The following GRIN2B variants were observed in gnomAD, a reference collection of about 807,000 sequenced individuals.
GRIN2B encodes glutamate receptor ionotropic, NMDA 2B.
GRIN2B carries 5 observed loss-of-function variants against 114.5 expected under a neutral mutation model. That is an observed-to-expected ratio of 0.04 (90% CI 0.02 to 0.09). The LOEUF is 0.09. GRIN2B is among the 10% of genes least tolerant of loss of function. The pLI is 1.00. For missense variants in GRIN2B, 1,108 were observed against 1,943.5 expected (o/e 0.57, Z 8.08); for synonymous variants, 787 against 745.1 (o/e 1.06, Z -0.92).
At chr12:13,929,793 G>A (rs1330449895) in intron 2 of GRIN2B, among the ~76,000 whole-genome samples, 4 of 152,164 alleles carry the variant, frequency 2.6e-5, no homozygotes, top group Non-Finnish European at 5.9e-5. Context: ...GCAAAATAAA[G>A]CACCCTAGAA....
chr12:13,639,202 T>C (rs1437492521), intron 5 of GRIN2B, among the ~76,000 whole-genome samples: 2 of 152,124 alleles, frequency 1.3e-5, no homozygotes, highest in South Asian at 4.1e-4. Flanking sequence ...ATCATGCCCA[T>C]TCTACTAAAG....
At chr12:13,583,405 A>G (rs1029163160) in intron 10 of GRIN2B, among the ~76,000 whole-genome samples, 5 of 152,216 alleles carry the variant, frequency 3.3e-5, no homozygotes, top group African/African-American at 1.2e-4. Flanking sequence ...ACAGACAGTA[A>G]GTAATTTGAA....
At chr12:13,761,825 T>G (rs551649759) in intron 3 of GRIN2B, among the ~76,000 whole-genome samples, 1 of 152,026 alleles carries the variant, frequency 6.6e-6, no homozygotes, top group African/African-American at 2.4e-5. Flanking sequence ...TGGAAAAAAA[T>G]GAAATGAATA....
At chr12:13,589,696 C>T (rs1477903446) in intron 10 of GRIN2B, among the ~76,000 whole-genome samples, 3 of 152,160 alleles carry the variant, frequency 2.0e-5, no homozygotes, top group Non-Finnish European at 2.9e-5. Context: ...ATTCTACTTG[C>T]AACTAACAGA....
At chr12:13,908,629 G>C (rs117844846) in intron 2 of GRIN2B, among the ~76,000 whole-genome samples, 2 of 152,176 alleles carry the variant, frequency 1.3e-5, no homozygotes, top group African/African-American at 2.4e-5. Flanking sequence ...CCTCTACCTT[G>C]CACCTGATCT....
In GRIN2B at chr12:13,852,366, G is replaced by T. The variant is rs1276143624; in HGVS notation, c.411+13432C>A. On this transcript the variant is annotated intron_variant, in intron 3 of 13. Transcript: ENST00000609686. Reference sequence around the variant, plus strand: ...GCATGGAAACTCCAAGAACTCAAAAGGAGAAGCAGCCATTTAGTTAGAGGA... The same window carrying T: ...GCATGGAAACTCCAAGAACTCAAAATGAGAAGCAGCCATTTAGTTAGAGGA... 5.3e-5 allele frequency among the ~76,000 whole-genome samples: 8 copies of T among 152,290 alleles called. No homozygotes were observed. The East Asian group carries it at 1.5e-3, about 29-fold the overall frequency.
At chr12:13,880,420 G>C (rs1394145445) in intron 2 of GRIN2B, among the ~76,000 whole-genome samples, 2 of 152,216 alleles carry the variant, frequency 1.3e-5, no homozygotes, top group Non-Finnish European at 2.9e-5. Flanking sequence ...CTTAACGCTA[G>C]AGATGCAACC....
chr12:13,839,801 G>C (rs560675826), intron 3 of GRIN2B, among the ~76,000 whole-genome samples: 19 of 152,228 alleles, frequency 1.2e-4, no homozygotes, highest in African/African-American at 3.9e-4. Context: ...CCATCCAACA[G>C]CATCAATTGA....
chr12:13,656,773 A>G (rs1949868786), intron 5 of GRIN2B, among the ~76,000 whole-genome samples: 1 of 152,232 alleles, frequency 6.6e-6, no homozygotes, highest in Non-Finnish European at 1.5e-5. Flanking sequence ...AAAATACGCC[A>G]TAGTCAGAAC....
chr12:13,684,466 A>C (rs1478003618), intron 4 of GRIN2B, among the ~76,000 whole-genome samples: 1 of 152,174 alleles, frequency 6.6e-6, no homozygotes, highest in Non-Finnish European at 1.5e-5. Flanking sequence ...GTGATGAAAA[A>C]TGAAATTCCT....
chr12:13,611,672 T>C, intron 9 of GRIN2B, 53 bp downstream of exon 9: 2 of 1,582,898 alleles, frequency 1.3e-6, no homozygotes, highest in Non-Finnish European at 1.7e-6. Context: ...TCCAGAGATT[T>C]GAAAATAAGG....
At chr12:13,681,826 A>G (rs1950133896) in intron 4 of GRIN2B, among the ~76,000 whole-genome samples, 1 of 152,170 alleles carries the variant, frequency 6.6e-6, no homozygotes, top group South Asian at 2.1e-4. Flanking sequence ...TACTGTTCTT[A>G]GTAATATTGC....
intron 3 of GRIN2B, among the ~76,000 whole-genome samples, chr12:13,853,050 C>T (rs1865599129): frequency 6.6e-6 from 1 of 152,190 alleles, no homozygotes; most frequent in Non-Finnish European, 1.5e-5. Context: ...AATGCTGCCC[C>T]TCAGATCTTC....
chr12:13,801,104 G>A (rs538332885), intron 3 of GRIN2B, among the ~76,000 whole-genome samples: 10 of 152,124 alleles, frequency 6.6e-5, no homozygotes, highest in East Asian at 1.9e-4. Flanking sequence ...CAAACAATAC[G>A]TACAATTTGT....
intron 5 of GRIN2B, among the ~76,000 whole-genome samples, chr12:13,647,988 T>G (rs1318809055): frequency 6.6e-6 from 1 of 152,080 alleles, no homozygotes; most frequent in Non-Finnish European, 1.5e-5. Flanking sequence ...AGGGGCTGTC[T>G]GTTTGATGTG....
chr12:13,932,723 G>C (rs1867056049), intron 2 of GRIN2B, among the ~76,000 whole-genome samples: 1 of 152,186 alleles, frequency 6.6e-6, no homozygotes, highest in Admixed American at 6.5e-5. Context: ...GAAGGATCCA[G>C]AGAAATGTTC....
intron 2 of GRIN2B, among the ~76,000 whole-genome samples, chr12:13,979,257 T>G (rs1177982839): frequency 6.6e-6 from 1 of 152,130 alleles, no homozygotes; most frequent in Non-Finnish European, 1.5e-5. Flanking sequence ...AGCTTAAGAT[T>G]TAAGTCGTTT....
At chr12:13,896,177 G>A (rs944025677) in intron 2 of GRIN2B, among the ~76,000 whole-genome samples, 4 of 152,200 alleles carry the variant, frequency 2.6e-5, no homozygotes, top group Admixed American at 2.0e-4. Flanking sequence ...CAACGAGGAG[G>A]CTCCTTTAAC....
chr12:13,803,572 G>A (rs894208625), intron 3 of GRIN2B, among the ~76,000 whole-genome samples: 3 of 152,084 alleles, frequency 2.0e-5, no homozygotes, highest in Non-Finnish European at 4.4e-5. Flanking sequence ...AAAAATCTAT[G>A]CTACTATAAT....
Sources: allele counts gnomAD v4.1 joint callset (sites outside exome capture counted in the v4.1 genomes callset), GRCh38; gene constraint gnomAD v4.1.1; transcripts MANE v1.5; gene names NCBI Gene and HGNC (gene_info 2026-07-23, HGNC 2026-07-21).